Variants in TMEM229B observed in about 807,000 individuals in gnomAD.
The protein encoded by TMEM229B is transmembrane protein 229B, also known as chromosome 14 open reading frame 83.
Under a neutral mutation model 13.7 loss-of-function variants are expected in TMEM229B, and 6 were observed. The ratio of observed to expected loss-of-function variants is 0.44; its 90% CI spans 0.24 to 0.86. The LOEUF is 0.86. TMEM229B is among the 40% of genes least tolerant of loss of function. The pLI is 0.23. For synonymous variants in TMEM229B, 107 were observed against 102.1 expected (o/e 1.05, Z -0.29); for missense variants, 170 against 236.0 (o/e 0.72, Z 1.83).
At chr14:67,514,718 G>T (rs1220543473) in intron 1 of TMEM229B, among the ~76,000 whole-genome samples, 2 of 152,012 alleles carry the variant, frequency 1.3e-5, no homozygotes, top group Non-Finnish European at 2.9e-5. Context: ...TCTCCGCCCG[G>T]AAGAAGAGGA....
At chr14:67,515,809 A>G (rs2033188761), upstream of TMEM229B, among the ~76,000 whole-genome samples, 1 of 143,610 alleles carries the variant, frequency 7.0e-6, no homozygotes, top group Non-Finnish European at 1.5e-5. Flanking sequence ...GTGGTGTGGC[A>G]GACCCACTAT....
intron 1 of TMEM229B, among the ~76,000 whole-genome samples, chr14:67,497,638 G>A (rs12897380): frequency 0.58 from 87,695 of 151,964 alleles, 26,886 homozygotes; most frequent in Non-Finnish European, 0.68. Flanking sequence ...AAACACAGGC[G>A]GTTTTTGCAC....
chr14:67,530,253 C>A (rs2033425284), intron 1 of TMEM229B, among the ~76,000 whole-genome samples: 1 of 152,196 alleles, frequency 6.6e-6, no homozygotes, highest in South Asian at 2.1e-4. Flanking sequence ...CTCATTTAAT[C>A]ATTTCAACAA....
At chr14:67,490,460 G>A (rs1020671067), upstream of TMEM229B, among the ~76,000 whole-genome samples, 3 of 152,198 alleles carry the variant, frequency 2.0e-5, no homozygotes, top group African/African-American at 4.8e-5. Flanking sequence ...GGGGCCAAGC[G>A]CAGGTTCAGG....
intron 2 of TMEM229B, among the ~76,000 whole-genome samples, chr14:67,481,316 C>T (rs897976103): frequency 2.0e-5 from 3 of 152,040 alleles, no homozygotes; most frequent in Admixed American, 6.6e-5. Context: ...AACAAAAAAG[C>T]GAGATGGGGG....
intron 2 of TMEM229B, 72 bp from the exon 3 acceptor site, chr14:67,474,013 G>T: frequency 1.4e-6 from 2 of 1,437,814 alleles, no homozygotes; most frequent in Non-Finnish European, 1.8e-6. Flanking sequence ...TGCGCTTTGG[G>T]AGGCCGAGGC....
At chr14:67,504,927 A>T (rs1033816376) in intron 1 of TMEM229B, among the ~76,000 whole-genome samples, 1 of 151,752 alleles carries the variant, frequency 6.6e-6, no homozygotes, top group African/African-American at 2.4e-5. Context: ...ACACAATAGA[A>T]CACTTTAGAT....
chr14:67,504,079 T>C (rs566981543), intron 1 of TMEM229B, among the ~76,000 whole-genome samples: 27 of 151,992 alleles, frequency 1.8e-4, no homozygotes, highest in African/African-American at 6.0e-4. Flanking sequence ...AGTCGTGCGA[T>C]CTCGGCTCAC....
At chr14:67,516,679 A>G (rs2033207590), upstream of TMEM229B, among the ~76,000 whole-genome samples, 1 of 152,208 alleles carries the variant, frequency 6.6e-6, no homozygotes, top group African/African-American at 2.4e-5. Flanking sequence ...GTCCCTGGCC[A>G]GAATATTCAA....
chr14:67,528,682 C>T (rs1312197310), intron 1 of TMEM229B, among the ~76,000 whole-genome samples: 1 of 152,180 alleles, frequency 6.6e-6, no homozygotes, highest in Non-Finnish European at 1.5e-5. Flanking sequence ...CCATTAAGCC[C>T]CCATTCACCT....
chr14:67,517,442 C>A (rs2140262972), upstream of TMEM229B, among the ~76,000 whole-genome samples: 1 of 152,270 alleles, frequency 6.6e-6, no homozygotes, highest in South Asian at 2.1e-4. Flanking sequence ...GTATGAATTT[C>A]TTTTAAACTC....
intron 1 of TMEM229B, among the ~76,000 whole-genome samples, chr14:67,508,552 C>T (rs964520319): frequency 2.6e-5 from 4 of 151,808 alleles, no homozygotes; most frequent in Non-Finnish European, 5.9e-5. Context: ...CTTGGACCAC[C>T]ACCTTAACCC....
upstream of TMEM229B, among the ~76,000 whole-genome samples, chr14:67,493,323 G>A (rs115575846): frequency 0.012 from 1,795 of 152,162 alleles, 48 homozygotes; most frequent in African/African-American, 0.041. Flanking sequence ...TGTCTTTCCC[G>A]CCAAGTGCCC....
At chr14:67,532,750 A>T (rs959771426) in intron 1 of TMEM229B, among the ~76,000 whole-genome samples, 5 of 152,200 alleles carry the variant, frequency 3.3e-5, no homozygotes, top group Admixed American at 6.5e-5. Context: ...GCAAATTGCA[A>T]CTCAGAACAT....
In TMEM229B at chr14:67,473,053, C is replaced by A; in HGVS notation, c.*367G>T. The A allele has an allele frequency of 4.0e-6, 1 of 248,246 alleles. No individual in the cohort carries two copies. Among genetic ancestry groups the A allele is most frequent in the Non-Finnish European group, 7.8e-6 (1 of 127,514 alleles). 15.4% of individuals were successfully genotyped at this position (248,246 alleles called of 1,614,324 possible). ...CCAGATCGGAGGGAGGGAGGTCAGG[C>A]CTTGCCTCCCACCTGCGGCCCCATT... On this transcript the variant is annotated 3_prime_UTR_variant, in exon 3 of 3. Coordinates refer to ENST00000554480, the MANE Select transcript of TMEM229B (RefSeq NM_001348543.2). The surrounding 1 kb of genome is among the most constrained non-coding windows in gnomAD (Gnocchi z 6.5).
upstream of TMEM229B, among the ~76,000 whole-genome samples, chr14:67,518,437 C>T (rs2033240535): frequency 6.6e-6 from 1 of 152,166 alleles, no homozygotes; most frequent in Non-Finnish European, 1.5e-5. Context: ...AGCATAGTGC[C>T]AGACACATAG....
chr14:67,497,190 G>A (rs371453585), intron 1 of TMEM229B, among the ~76,000 whole-genome samples: 5 of 152,128 alleles, frequency 3.3e-5, no homozygotes, highest in Admixed American at 6.6e-5. Context: ...TATATGCTGC[G>A]GGCACACACG....
chr14:67,503,405 T>TG, intron 1 of TMEM229B: 1 of 152,314 alleles, frequency 6.6e-6, no homozygotes, highest in Non-Finnish European at 1.5e-5. Flanking sequence ...AAGGATTTCC[T>TG]GGGGGCGCTG....
intron 2 of TMEM229B, among the ~76,000 whole-genome samples, chr14:67,474,914 CT>C (rs71129825): frequency 0.12 from 14,931 of 124,634 alleles, 561 homozygotes; most frequent in Non-Finnish European, 0.14. Flanking sequence ...GAATTTCCTT[CT>C]TTTTTTTTTT....
Sources: gnomAD v4.1 joint callset for allele counts (sites outside exome capture counted in the v4.1 genomes callset) on GRCh38, gnomAD v4.1.1 for gene constraint, Gnocchi (gnomAD v3.1) non-coding constraint, MANE v1.5 for transcripts, NCBI Gene and HGNC (gene_info 2026-07-23, HGNC 2026-07-21) for gene names.